The following SLC9A9 variants were observed in gnomAD, a reference collection of about 807,000 sequenced individuals.
The protein encoded by SLC9A9 is solute carrier family 9 member A9, also known as sodium/hydrogen exchanger 9.
In SLC9A9, 62 loss-of-function variants were observed where a neutral mutation model predicts 77.8. That is an observed-to-expected ratio of 0.80 (90% confidence interval 0.65 to 0.98). The LOEUF is 0.98. Among genes scored for constraint, SLC9A9 ranks in the 50% least tolerant of loss-of-function variants. SLC9A9 has a pLI of 0.00. For missense variants in SLC9A9, 775 were observed against 774.9 expected, an observed-to-expected ratio of 1.00 and a Z score of 0.00; for synonymous variants, 320 against 283.5, an observed-to-expected ratio of 1.13 and a Z score of -1.29.
chr3:143,281,646 A>G (rs181164784), intron 14 of SLC9A9, among the ~76,000 whole-genome samples: 139 of 152,342 alleles, frequency 9.1e-4, no homozygotes, highest in Middle Eastern at 6.8e-3. Flanking sequence ...AGCAGGGACT[A>G]GTCCAAAACT....
At chr3:143,441,173 A>T (rs2034726860) in intron 12 of SLC9A9, among the ~76,000 whole-genome samples, 2 of 152,186 alleles carry the variant, frequency 1.3e-5, no homozygotes, top group Non-Finnish European at 2.9e-5. Context: ...GTAACTGAGA[A>T]TCTCATGAGT....
intron 5 of SLC9A9, among the ~76,000 whole-genome samples, chr3:143,659,705 G>A (rs2038950158): frequency 6.6e-6 from 1 of 152,194 alleles, no homozygotes; most frequent in South Asian, 2.1e-4. Context: ...GCTGAAGAAT[G>A]CCTCATCCTT....
At chr3:143,543,112 A>T (rs1275137970) in intron 9 of SLC9A9, among the ~76,000 whole-genome samples, 1 of 152,258 alleles carries the variant, frequency 6.6e-6, no homozygotes, top group African/African-American at 2.4e-5. Context: ...TCTTTGTAAG[A>T]CAGAAATCTG....
At chr3:143,439,825 G>A (rs1171188546) in intron 12 of SLC9A9, among the ~76,000 whole-genome samples, 2 of 125,312 alleles carry the variant, frequency 1.6e-5, no homozygotes, top group Non-Finnish European at 3.9e-5. Context: ...AGGTGGTTCA[G>A]TGGAATGTGT....
rs190302550 is a variant in SLC9A9, at chr3:143,273,823, T to A, written c.1605-4843A>T. Among the ~76,000 whole-genome samples the A allele has an allele frequency of 2.6e-5, 4 of 152,356 alleles. No homozygotes were observed. In the East Asian group the frequency reaches 7.7e-4, roughly 29 times the overall value. On this transcript the variant is annotated intron_variant, in intron 14 of 15. Transcript: ENST00000316549. ...GAAGACACTGAATTTTCAGCAATCA[T>A]CCCAGGTGACTGATCAAGTGAATTT...
intron 12 of SLC9A9, among the ~76,000 whole-genome samples, chr3:143,403,802 T>C (rs1405373615): frequency 6.6e-6 from 1 of 152,218 alleles, no homozygotes; most frequent in African/African-American, 2.4e-5. Context: ...TGTCTTGATA[T>C]GGCTTTCGTT....
intron 5 of SLC9A9, chr3:143,655,403 C>G: frequency 1.1e-6 from 1 of 901,688 alleles, no homozygotes. Context: ...ACACTCTGGA[C>G]ATCGTGTGGA....
At chr3:143,457,978 T>C (rs1345095923) in intron 12 of SLC9A9, among the ~76,000 whole-genome samples, 3 of 152,294 alleles carry the variant, frequency 2.0e-5, no homozygotes, top group Non-Finnish European at 2.9e-5. Flanking sequence ...AGTTCTTCTG[T>C]ACCCTTGCAG....
intron 6 of SLC9A9, among the ~76,000 whole-genome samples, chr3:143,628,645 T>C (rs2038370560): frequency 6.6e-6 from 1 of 152,206 alleles, no homozygotes; most frequent in Non-Finnish European, 1.5e-5. Context: ...TAAGATGGAC[T>C]ATAGAGACAT....
intron 12 of SLC9A9, among the ~76,000 whole-genome samples, chr3:143,392,713 G>A (rs776530210): frequency 4.6e-5 from 7 of 152,150 alleles, no homozygotes; most frequent in South Asian, 2.1e-4. Context: ...CCCATCTCAC[G>A]TGCAGAGACA....
At chr3:143,268,848 C>T in intron 15 of SLC9A9, 27 bp downstream of exon 15, 3 of 1,557,860 alleles carry the variant, frequency 1.9e-6, no homozygotes, top group South Asian at 2.2e-5. Flanking sequence ...GATATTCCCT[C>T]ACCCTAGAGG....
At chr3:143,606,856 G>A (rs1559990587) in intron 6 of SLC9A9, among the ~76,000 whole-genome samples, 1 of 152,070 alleles carries the variant, frequency 6.6e-6, no homozygotes, top group Non-Finnish European at 1.5e-5. Context: ...ATCTGTTGCA[G>A]AAGAAAGAAG....
At chr3:143,705,948 T>C (rs904953769) in intron 4 of SLC9A9, among the ~76,000 whole-genome samples, 1 of 152,222 alleles carries the variant, frequency 6.6e-6, no homozygotes, top group Non-Finnish European at 1.5e-5. Flanking sequence ...TGGAAAGCGC[T>C]AAGTGTCCTA....
At chr3:143,405,174 T>A (rs2033950675) in intron 12 of SLC9A9, among the ~76,000 whole-genome samples, 1 of 152,208 alleles carries the variant, frequency 6.6e-6, no homozygotes, top group South Asian at 2.1e-4. Context: ...TTGGCTGGTC[T>A]GCCTTTTTGT....
chr3:143,557,084 T>C (rs1463845044), intron 8 of SLC9A9, among the ~76,000 whole-genome samples: 2 of 152,104 alleles, frequency 1.3e-5, no homozygotes, highest in African/African-American at 2.4e-5. Flanking sequence ...AGGAACCCAG[T>C]GGGAAGTGAT....
chr3:143,631,389 T>G (rs955602529), intron 6 of SLC9A9, among the ~76,000 whole-genome samples: 2 of 152,140 alleles, frequency 1.3e-5, no homozygotes, highest in Non-Finnish European at 2.9e-5. Flanking sequence ...GGAGACAACA[T>G]TTAATTCTTT....
chr3:143,709,715 T>C (rs1050670952), intron 4 of SLC9A9, among the ~76,000 whole-genome samples: 22 of 152,284 alleles, frequency 1.4e-4, no homozygotes, highest in East Asian at 5.8e-4. Context: ...AATAGCATTG[T>C]TACTGAACAG....
chr3:143,846,596 G>A (rs943719861), intron 1 of SLC9A9, among the ~76,000 whole-genome samples: 3 of 151,852 alleles, frequency 2.0e-5, no homozygotes, highest in African/African-American at 2.4e-5. Flanking sequence ...GCTCATGCCC[G>A]TAATGCCAGC....
At chr3:143,549,679 T>C (rs775932412) in intron 9 of SLC9A9, among the ~76,000 whole-genome samples, 4 of 152,288 alleles carry the variant, frequency 2.6e-5, no homozygotes, top group South Asian at 2.1e-4. Context: ...CAGAAGGCTA[T>C]GGGCACTGAT....
Sources: gnomAD v4.1 joint callset for allele counts (sites outside exome capture counted in the v4.1 genomes callset) on GRCh38, gnomAD v4.1.1 for gene constraint, MANE v1.5 for transcripts, NCBI Gene and HGNC (gene_info 2026-07-23, HGNC 2026-07-21) for gene names.